C8orf34: variants seen among roughly 807,000 people sequenced by gnomAD.
C8orf34 encodes the protein uncharacterized protein C8orf34.
A neutral mutation model predicts 68.3 loss-of-function variants in C8orf34; 65 were observed. The ratio of observed to expected loss-of-function variants is 0.95; its 90% CI spans 0.78 to 1.17. The LOEUF is 1.17. Among genes scored for constraint, C8orf34 ranks in the 50% most tolerant of loss-of-function variants. The probability of loss-of-function intolerance (pLI) is 0.00; values close to 1 mark genes in which losing one functional copy is unlikely to be tolerated. For synonymous variants in C8orf34, 244 were observed against 241.2 expected (o/e 1.01, Z -0.11); for missense variants, 664 against 655.4 (o/e 1.01, Z -0.14).
At chr8:68,503,692 T>C (rs925014781) in intron 5 of C8orf34, among the ~76,000 whole-genome samples, 20 of 150,864 alleles carry the variant, frequency 1.3e-4, no homozygotes, top group African/African-American at 1.7e-4. Flanking sequence ...TTTTCTTTTT[T>C]TTTTTTTTTC....
chr8:68,756,048 C>G lies in C8orf34; in HGVS notation c.1405-20351C>G, dbSNP rs550133200. On this transcript the variant is annotated intron_variant, in intron 10 of 13. Transcript: ENST00000518698. The stretch of plus-strand genomic sequence containing the variant: ...CGCCACTGCACTCCAGCCTGGGCGA[C>G]AGAGTGAGACTCTATCTAAAAAAAA... Among the ~76,000 whole-genome samples, 3 of 148,260 alleles carry G rather than the reference C, an allele frequency of 2.0e-5. No individual in the cohort carries two copies. The South Asian group carries it at 6.4e-4, about 32-fold the overall frequency.
At chr8:68,594,595 A>G (rs1211520925) in intron 7 of C8orf34, among the ~76,000 whole-genome samples, 1 of 152,114 alleles carries the variant, frequency 6.6e-6, no homozygotes, top group Admixed American at 6.6e-5. Flanking sequence ...CTCCCTAAAA[A>G]TATTAAAACA....
chr8:68,578,652 A>G (rs577224564), intron 7 of C8orf34, among the ~76,000 whole-genome samples: 43 of 151,884 alleles, frequency 2.8e-4, no homozygotes, highest in Non-Finnish European at 5.3e-4. Context: ...CTATATATAT[A>G]TATATTTCAA....
rs1255473079 is a variant in C8orf34 at position 68,815,887 on chromosome 8, T to C, written c.1551T>C (p.Arg517=). Reference sequence around the variant, plus strand: ...ATCTCTGTTTCTTTTGTTGTGCAGGTTCCGCTGATCTTCTTCTTTGCGTTC... The same window carrying C: ...ATCTCTGTTTCTTTTGTTGTGCAGGCTCCGCTGATCTTCTTCTTTGCGTTC... ...SEGVEAEQEK[R]SADLLLCVPC... Residue 517 remains arginine, a splice_region_variant and synonymous_variant, in exon 13 of 14, where the codon CGT becomes CGC. Coordinates refer to ENST00000518698, the MANE Select transcript of C8orf34 (RefSeq NM_052958.4). 9.3e-6 allele frequency: 15 copies of C among 1,613,822 alleles called. No homozygotes were observed. Among genetic ancestry groups the C allele is most frequent in the Non-Finnish European group, 1.3e-5 (15 of 1,179,734 alleles).
chr8:68,629,024 A>T (rs777438240), intron 7 of C8orf34, among the ~76,000 whole-genome samples: 2 of 152,194 alleles, frequency 1.3e-5, no homozygotes, highest in African/African-American at 4.8e-5. Context: ...TGAGCTTCCT[A>T]GTACAAAAAG....
At position 68,373,166 on chromosome 8, in the gene C8orf34, A is replaced by T. The variant is rs137993083; in HGVS notation, c.327+41827A>T. Among the ~76,000 whole-genome samples the T allele has an allele frequency of 8.3e-3, 1,257 of 151,720 alleles. 40 individuals are homozygous for T. In the East Asian group the frequency reaches 0.1, roughly 12 times the overall value. On this transcript the variant is annotated intron_variant, in intron 1 of 13. Coordinates refer to ENST00000518698, the MANE Select transcript of C8orf34 (RefSeq NM_052958.4). ...TGCGTCACCACGCCTGGCTAATTTT[A>T]GTATTTTTAATAGAGACAGGGTTTC...
chr8:68,740,708 A>G (rs1585807214), intron 10 of C8orf34, among the ~76,000 whole-genome samples: 1 of 152,344 alleles, frequency 6.6e-6, no homozygotes, highest in East Asian at 1.9e-4. Context: ...AAACAGAAAT[A>G]TCATTTGACC....
intron 1 of C8orf34, among the ~76,000 whole-genome samples, chr8:68,417,221 TA>T (rs1438101121): frequency 1.3e-5 from 2 of 152,202 alleles, no homozygotes; most frequent in African/African-American, 4.8e-5. Flanking sequence ...TTTAGGTTTC[TA>T]AAAAGATTAA....
chr8:68,347,623 G>A (rs376037004), intron 1 of C8orf34, among the ~76,000 whole-genome samples: 2 of 152,180 alleles, frequency 1.3e-5, no homozygotes, highest in East Asian at 3.9e-4. Flanking sequence ...ACCAGCATCT[G>A]TTGTTTTTTG....
At chr8:68,473,612 A>G (rs893485467) in intron 4 of C8orf34, among the ~76,000 whole-genome samples, 1 of 152,040 alleles carries the variant, frequency 6.6e-6, no homozygotes, top group Admixed American at 6.6e-5. Context: ...AAAGAAAATG[A>G]TTTGGGGGCT....
chr8:68,710,670 C>A (rs1011823299), intron 9 of C8orf34, among the ~76,000 whole-genome samples: 3 of 152,160 alleles, frequency 2.0e-5, no homozygotes, highest in African/African-American at 7.2e-5. Context: ...TATCTCTGCT[C>A]CCAACTGGTG....
At chr8:68,720,697 T>C (rs1385658881) in intron 9 of C8orf34, among the ~76,000 whole-genome samples, 2 of 151,892 alleles carry the variant, frequency 1.3e-5, no homozygotes, top group Non-Finnish European at 2.9e-5. Flanking sequence ...CCTATCCCTA[T>C]CACAGAATTC....
At chr8:68,589,225 GTCTA>G (rs1366343214) in intron 7 of C8orf34, among the ~76,000 whole-genome samples, 6 of 151,962 alleles carry the variant, frequency 3.9e-5, no homozygotes, top group African/African-American at 1.5e-4. Context: ...TTATCTTTCT[GTCTA>G]TCCATCCATC....
chr8:68,642,459 ATTTGGAGCTTTATATATTAG>A (rs1819040208), intron 8 of C8orf34, among the ~76,000 whole-genome samples: 3 of 152,132 alleles, frequency 2.0e-5, no homozygotes, highest in Non-Finnish European at 4.4e-5. Context: ...ATTTTTTCCC[ATTTGGAGCTTTATATATTAG>A]TCTACCACTG....
intron 12 of C8orf34, among the ~76,000 whole-genome samples, chr8:68,790,313 A>C (rs940498619): frequency 6.6e-6 from 1 of 152,244 alleles, no homozygotes; most frequent in Non-Finnish European, 1.5e-5. Context: ...TTACAGGCTC[A>C]TATCCTAGAA....
chr8:68,461,184 C>G (rs964352641), intron 3 of C8orf34, among the ~76,000 whole-genome samples: 3 of 151,942 alleles, frequency 2.0e-5, no homozygotes, highest in African/African-American at 7.3e-5. Flanking sequence ...TGGAAGAAAG[C>G]GTATCAGTGA....
At chr8:68,803,348 T>G (rs1004252712) in intron 12 of C8orf34, among the ~76,000 whole-genome samples, 1 of 152,110 alleles carries the variant, frequency 6.6e-6, no homozygotes, top group Admixed American at 6.5e-5. Context: ...ACCAGATTAA[T>G]TTTTGAAAAT....
intron 9 of C8orf34, among the ~76,000 whole-genome samples, chr8:68,709,442 C>A (rs1005338262): frequency 4.6e-5 from 7 of 152,170 alleles, no homozygotes; most frequent in African/African-American, 1.7e-4. Flanking sequence ...TGCCCCTTGT[C>A]ACTTGCTATA....
At chr8:68,462,222 A>C (rs1586187495) in intron 3 of C8orf34, among the ~76,000 whole-genome samples, 4 of 152,178 alleles carry the variant, frequency 2.6e-5, no homozygotes, top group Non-Finnish European at 5.9e-5. Context: ...AAAGGGATCA[A>C]TTCAACAAGA....
Sources: allele counts gnomAD v4.1 joint callset (sites outside exome capture counted in the v4.1 genomes callset), GRCh38; gene constraint gnomAD v4.1.1; transcripts MANE v1.5; gene names NCBI Gene and HGNC (gene_info 2026-07-23, HGNC 2026-07-21).